Variants in PDCD6 observed in about 807,000 individuals in gnomAD.
PDCD6 encodes programmed cell death protein 6.
A neutral mutation model predicts 28.3 loss-of-function variants in PDCD6; 12 were observed. That is an observed-to-expected ratio of 0.42 (90% CI 0.27 to 0.69). The LOEUF (loss-of-function observed/expected upper bound fraction) is 0.69. Ranked by LOEUF, PDCD6 falls within the 30% of genes least tolerant of loss-of-function variation. PDCD6 has a pLI of 0.22. For missense variants in PDCD6, 226 were observed against 269.9 expected (o/e 0.84, Z 1.14); for synonymous variants, 92 against 108.0 (o/e 0.85, Z 0.92).
chr5:314,067 G>A (rs547019227), intron 5 of PDCD6, among the ~76,000 whole-genome samples: 41 of 152,288 alleles, frequency 2.7e-4, no homozygotes, highest in Admixed American at 2.5e-3. Flanking sequence ...CAGCAGAGGC[G>A]AGCCACTGGA....
chr5:283,690 CAGGG>C (rs1308833981), intron 2 of PDCD6, among the ~76,000 whole-genome samples: 1 of 151,698 alleles, frequency 6.6e-6, no homozygotes, highest in Non-Finnish European at 1.5e-5. Context: ...GCTGAAGCCT[CAGGG>C]AGGAGCTGAT....
chr5:307,818 C>T lies in PDCD6; in HGVS notation c.367+1058C>T, dbSNP rs1740623381. Among the ~76,000 whole-genome samples the T allele has an allele frequency of 6.6e-6, 1 of 152,124 alleles. No homozygotes were observed. The highest frequency in any genetic ancestry group is 1.5e-5 in the Non-Finnish European group (1 of 68,028). On this transcript the variant is annotated intron_variant, in intron 4 of 5. Transcript: ENST00000264933. This position sits in a 1 kb window ranked among gnomAD's most constrained non-coding sequence, Gnocchi z 6.1. ...TCCTCGTGTTTCCTCCCAGCATGCA[C>T]TTTGTGGCTGCCTTTCTTTCTCTTT...
At chr5:295,921 T>C (rs1231812975) in intron 2 of PDCD6, among the ~76,000 whole-genome samples, 3 of 151,252 alleles carry the variant, frequency 2.0e-5, no homozygotes, top group African/African-American at 7.3e-5. Flanking sequence ...TGTGACTGTG[T>C]GTAAGGAAAA....
At chr5:297,743 A>T (rs1205559476) in intron 2 of PDCD6, among the ~76,000 whole-genome samples, 1 of 152,214 alleles carries the variant, frequency 6.6e-6, no homozygotes, top group East Asian at 1.9e-4. Flanking sequence ...CTGTGATTTA[A>T]TTGTTGATCT....
intron 1 of PDCD6, among the ~76,000 whole-genome samples, 157 bp downstream of exon 1, chr5:271,978 C>T (rs1308026422): frequency 3.3e-5 from 5 of 151,312 alleles, no homozygotes; most frequent in African/African-American, 1.2e-4. Flanking sequence ...CCCCTGCCGC[C>T]GCCCCCGACC....
intron 2 of PDCD6, among the ~76,000 whole-genome samples, chr5:286,140 C>CG (rs1271682075): frequency 2.3e-5 from 3 of 129,740 alleles, no homozygotes; most frequent in Non-Finnish European, 3.2e-5. Flanking sequence ...GCTGGAGACC[C>CG]GGGGGGAGTT....
intron 2 of PDCD6, among the ~76,000 whole-genome samples, chr5:285,407 G>A (rs550949714): frequency 4.0e-4 from 60 of 151,612 alleles, no homozygotes; most frequent in African/African-American, 1.3e-3. Flanking sequence ...TTTGAGGGCC[G>A]TGCAGCTGGA....
At chr5:288,292 T>TAATATATATA (rs56208909) in intron 2 of PDCD6, among the ~76,000 whole-genome samples, 2 of 107,110 alleles carry the variant, frequency 1.9e-5, no homozygotes, top group African/African-American at 5.5e-5. Flanking sequence ...AATATATATA[T>TAATATATATA]TATATATATA....
rs184418974 is a variant in PDCD6, at chr5:283,500, C to T, written c.163+10728C>T. On this transcript the variant is annotated intron_variant, in intron 2 of 5. Coordinates refer to ENST00000264933, the MANE Select transcript of PDCD6 (RefSeq NM_013232.4). ...AGATTGAGGATCTTGTAGCTACAGA[C>T]CCGTAGAGGAGCTGATGTTCTAGAT... Among the ~76,000 whole-genome samples the T allele has an allele frequency of 9.2e-5, 14 of 151,914 alleles. No homozygotes were observed. In the East Asian group the frequency reaches 1.6e-3, roughly 17 times the overall value.
Position 305,512 on chromosome 5 carries a change from A to G in PDCD6, c.209-1090A>G, listed in dbSNP as rs1190371027. 6.6e-6 allele frequency: 1 copy of G among 152,182 alleles called. No individual in the cohort carries two copies. The highest frequency in any genetic ancestry group is 2.4e-5 in the African/African-American group (1 of 41,432). 9.4% of individuals were successfully genotyped at this position (152,182 alleles called of 1,614,324 possible). A position where few individuals can be genotyped will look rare whatever the true frequency, so the allele number is the denominator to read the frequency against. On this transcript the variant is annotated intron_variant, in intron 3 of 5. Coordinates refer to ENST00000264933, the MANE Select transcript of PDCD6 (RefSeq NM_013232.4). The surrounding 1 kb of genome is among the most constrained non-coding windows in gnomAD (Gnocchi z 4.0). Reference sequence around the variant, plus strand: ...GTGGCAGGGCTCAGCCTTTAGTGCTAGAAAAGGTGTTGATACATGGGGAGC... The same window carrying G: ...GTGGCAGGGCTCAGCCTTTAGTGCTGGAAAAGGTGTTGATACATGGGGAGC...
intron 2 of PDCD6, among the ~76,000 whole-genome samples, chr5:293,063 CCT>C (rs1739406905): frequency 6.6e-6 from 1 of 152,200 alleles, no homozygotes; most frequent in African/African-American, 2.4e-5. Context: ...AAACCAAACA[CCT>C]CTCTCTCCTA....
rs1314341875 is a variant in PDCD6, at chr5:305,463, G to A, written c.209-1139G>A. The A allele has an allele frequency of 6.6e-6, 1 of 152,196 alleles. No homozygotes were observed. The highest frequency in any genetic ancestry group is 1.5e-5 in the Non-Finnish European group (1 of 68,040). The allele number at this position is 152,196 out of a possible 1,614,324, so 9.4% of individuals were successfully genotyped here. ...TGTTGCTACGTCACACTGATGGAGG[G>A]AGAGAAAACTTGGAAGTGTAGTAGT... On this transcript the variant is annotated intron_variant, in intron 3 of 5. Coordinates refer to ENST00000264933, the MANE Select transcript of PDCD6 (RefSeq NM_013232.4). The surrounding 1 kb of genome is among the most constrained non-coding windows in gnomAD (Gnocchi z 4.0).
At chr5:313,256 G>A (rs1369494447) in intron 5 of PDCD6, among the ~76,000 whole-genome samples, 1 of 152,166 alleles carries the variant, frequency 6.6e-6, no homozygotes, top group African/African-American at 2.4e-5. Flanking sequence ...TTTTCTGAAA[G>A]GATAAAGGCT....
intron 3 of PDCD6, 143 bp downstream of exon 3, chr5:304,364 C>G: frequency 3.2e-6 from 4 of 1,256,240 alleles, no homozygotes; most frequent in Non-Finnish European, 4.4e-6. Flanking sequence ...CCTTTCATCC[C>G]TCTCCCTCCG....
At chr5:289,796 G>T (rs528577498) in intron 2 of PDCD6, 5 of 1,115,678 alleles carry the variant, frequency 4.5e-6, no homozygotes, top group African/African-American at 3.1e-5. Flanking sequence ...GGTCGATTAC[G>T]TGGTCTGGGT....
intron 2 of PDCD6, among the ~76,000 whole-genome samples, chr5:281,675 T>A (rs1738569792): frequency 6.6e-6 from 1 of 152,022 alleles, no homozygotes; most frequent in Non-Finnish European, 1.5e-5. Flanking sequence ...GGAGCTGAGG[T>A]TCTAGTTTGA....
intron 2 of PDCD6, among the ~76,000 whole-genome samples, chr5:294,838 A>G (rs1288484490): frequency 1.3e-5 from 2 of 152,122 alleles, no homozygotes; most frequent in East Asian, 1.9e-4. Flanking sequence ...GCTTCCACAC[A>G]GGGGGCACCA....
At chr5:285,282 G>A (rs950225991) in intron 2 of PDCD6, among the ~76,000 whole-genome samples, 3 of 151,882 alleles carry the variant, frequency 2.0e-5, no homozygotes, top group East Asian at 1.9e-4. Context: ...CTGGAGACCC[G>A]GGGGGGAACT....
chr5:307,097 A>G lies in PDCD6; in HGVS notation c.367+337A>G, dbSNP rs1740549028. On this transcript the variant is annotated intron_variant, in intron 4 of 5. Coordinates refer to ENST00000264933, the MANE Select transcript of PDCD6 (RefSeq NM_013232.4). This position sits in a 1 kb window ranked among gnomAD's most constrained non-coding sequence, Gnocchi z 6.1. The stretch of plus-strand genomic sequence containing the variant: ...AATACCGTGGGGCAGGGCAGCTTAT[A>G]TTTCATGATAGATCAAAGCACGTTG... Among the ~76,000 whole-genome samples the G allele has an allele frequency of 6.6e-6, 1 of 152,180 alleles. No homozygotes were observed. The highest frequency in any genetic ancestry group is 6.5e-5 in the Admixed American group (1 of 15,282).
Sources: allele counts gnomAD v4.1 joint callset (sites outside exome capture counted in the v4.1 genomes callset), GRCh38; gene constraint gnomAD v4.1.1; non-coding constraint Gnocchi (gnomAD v3.1); transcripts MANE v1.5; gene names NCBI Gene and HGNC (gene_info 2026-07-23, HGNC 2026-07-21).